ADARB1: variants seen among roughly 807,000 people sequenced by gnomAD.
The protein encoded by ADARB1 is adenosine deaminase RNA specific B1, also known as double-stranded RNA-specific editase 1.
ADARB1 carries 10 observed loss-of-function variants against 52.4 expected under a neutral mutation model. That is an observed-to-expected ratio of 0.19 (90% CI 0.12 to 0.32). ADARB1 has a LOEUF of 0.32. ADARB1 is among the 10% of genes least tolerant of loss of function. The probability of loss-of-function intolerance (pLI) is 1.00; values close to 1 mark genes in which losing one functional copy is unlikely to be tolerated. For missense variants in ADARB1, 643 were observed against 922.3 expected (o/e 0.70, Z 3.92); for synonymous variants, 349 against 371.1 (o/e 0.94, Z 0.68).
In ADARB1 at chr21:45,184,994, A is replaced by G; in HGVS notation, c.1468A>G (p.Thr490Ala). Reference sequence around the variant, plus strand: ...GACCAAAATAGAGTCTGGTGAGGGGACGATTCCAGTGCGCTCCAATGCGAG... The same window carrying G: ...GACCAAAATAGAGTCTGGTGAGGGGGCGATTCCAGTGCGCTCCAATGCGAG... Reference protein sequence around the residue: ...LRTKIESGEGTIPVRSNASIQ... With the variant: ...LRTKIESGEGAIPVRSNASIQ... Residue 490 changes from threonine to alanine, a missense_variant, in exon 8 of 11, where the codon ACG becomes GCG. Thr to Ala is a moderately conservative substitution (Grantham distance 58). Transcript: ENST00000348831. 3 of 1,614,186 alleles carry G rather than the reference A, an allele frequency of 1.9e-6. No individual in the cohort carries two copies. The highest frequency in any genetic ancestry group is 1.7e-6 in the Non-Finnish European group (2 of 1,180,024).
intron 1 of ADARB1, among the ~76,000 whole-genome samples, chr21:45,104,045 G>T (rs1247026872): frequency 6.6e-6 from 1 of 152,122 alleles, no homozygotes; most frequent in African/African-American, 2.4e-5. Context: ...ATCTCCAAGG[G>T]GTTCACTTTT....
intron 2 of ADARB1, among the ~76,000 whole-genome samples, chr21:45,155,399 ACT>A (rs2090504031): frequency 6.6e-6 from 1 of 152,008 alleles, no homozygotes. Context: ...GCCAGCCATG[ACT>A]CTCACCTTAC....
intron 2 of ADARB1, among the ~76,000 whole-genome samples, chr21:45,138,167 A>G (rs931268639): frequency 1.3e-5 from 2 of 152,218 alleles, no homozygotes; most frequent in African/African-American, 4.8e-5. Flanking sequence ...TAACCAAGAG[A>G]AAGGGCTGCA....
At chr21:45,203,262 A>T (rs1398528608) in intron 8 of ADARB1, among the ~76,000 whole-genome samples, 1 of 152,192 alleles carries the variant, frequency 6.6e-6, no homozygotes, top group African/African-American at 2.4e-5. Flanking sequence ...AGGCTGGGAC[A>T]TGCGTTCCTC....
chr21:45,182,711 C>G lies in ADARB1; in HGVS notation c.1205C>G (p.Ser402Cys), dbSNP rs2091971094. 1 of 1,609,450 alleles carries G rather than the reference C, an allele frequency of 6.2e-7. No individual in the cohort carries two copies. Among genetic ancestry groups the G allele is most frequent in the Admixed American group, 1.7e-5 (1 of 58,904 alleles). Residue 402 changes from serine to cysteine, a missense_variant, in exon 6 of 11, where the codon TCC becomes TGC. Transcript: ENST00000348831. Reference protein sequence around the residue: ...DCHAEIISRRSLLRFLYTQLE... With the variant: ...DCHAEIISRRCLLRFLYTQLE... ...CATGCAGAAATAATATCTCGGAGAT[C>G]CTTGCTCAGATTTCTTTATACACAA...
intron 1 of ADARB1, among the ~76,000 whole-genome samples, chr21:45,086,457 C>T (rs1188944490): frequency 6.6e-6 from 1 of 152,188 alleles, no homozygotes; most frequent in African/African-American, 2.4e-5. Context: ...CTCCTGTCAC[C>T]TCAAATGTTC....
chr21:45,186,202 C>G (rs1285926261), intron 8 of ADARB1, among the ~76,000 whole-genome samples: 2 of 152,160 alleles, frequency 1.3e-5, no homozygotes, highest in Non-Finnish European at 2.9e-5. Context: ...GCTGTAAATC[C>G]TATCTGATTC....
chr21:45,175,866 G>A lies in ADARB1; in HGVS notation c.165G>A (p.Leu55=). 6.2e-7 allele frequency: 1 copy of A among 1,613,724 alleles called. No individual in the cohort carries two copies. Among genetic ancestry groups the A allele is most frequent in the Non-Finnish European group, 8.5e-7 (1 of 1,179,836 alleles). Residue 55 remains leucine (L), a synonymous_variant, in exon 4 of 11, where the codon CTG becomes CTA. Transcript: ENST00000348831. ...GTGGCCCCGGCAGAAAGCGGCCCCT[G>A]GAGGAGGGCAGCAATGGCCACTCCA... The part of the protein sequence containing the change: ...GGGGPGRKRP[L]EEGSNGHSKY...
chr21:45,092,965 A>G (rs937015188), intron 1 of ADARB1, among the ~76,000 whole-genome samples: 3 of 152,090 alleles, frequency 2.0e-5, no homozygotes, highest in Middle Eastern at 3.4e-3. Context: ...TCCATTTTCT[A>G]AAGTCGAGGC....
intron 2 of ADARB1, among the ~76,000 whole-genome samples, chr21:45,129,616 C>T (rs188347217): frequency 6.6e-6 from 1 of 152,346 alleles, no homozygotes. Flanking sequence ...TCACTGGACA[C>T]AGCCGTGCTC....
At chr21:45,178,941 A>G (rs1343506158) in intron 4 of ADARB1, among the ~76,000 whole-genome samples, 1 of 152,202 alleles carries the variant, frequency 6.6e-6, no homozygotes, top group East Asian at 1.9e-4. Context: ...CTCACTCTGA[A>G]GTTAAAGTTC....
intron 1 of ADARB1, among the ~76,000 whole-genome samples, chr21:45,102,315 G>T (rs929016355): frequency 6.6e-6 from 1 of 152,224 alleles, no homozygotes; most frequent in African/African-American, 2.4e-5. Flanking sequence ...TACGCAGGCA[G>T]TTCAATGGGA....
intron 3 of ADARB1, chr21:45,171,895 C>T (rs1056919139): frequency 1.3e-5 from 7 of 556,038 alleles, no homozygotes; most frequent in East Asian, 3.2e-5. Context: ...TCGTTATCGT[C>T]GTGGGGCATC....
chr21:45,171,694 A>G lies in ADARB1; in HGVS notation c.28+10A>G. ...GATGAAGAAAACATGAGTAAGATCT[A>G]GGCCTATCACGTAGTATCAGATAGC... On this transcript the variant is annotated intron_variant, in intron 3 of 10. Transcript: ENST00000348831. 1.9e-6 allele frequency: 3 copies of G among 1,607,730 alleles called. No homozygotes were observed. Among genetic ancestry groups the G allele is most frequent in the South Asian group, 2.2e-5 (2 of 89,222 alleles).
intron 8 of ADARB1, among the ~76,000 whole-genome samples, chr21:45,191,897 T>A (rs1172265887): frequency 4.5e-3 from 216 of 47,688 alleles, no homozygotes; most frequent in African/African-American, 0.01. Context: ...TTTTTTTTTT[T>A]TTTTTTTTTT....
chr21:45,083,014 A>G (rs1241487645), intron 1 of ADARB1, among the ~76,000 whole-genome samples: 5 of 152,132 alleles, frequency 3.3e-5, no homozygotes, highest in African/African-American at 7.2e-5. Flanking sequence ...TTCATGCACC[A>G]TTGTGTGCTG....
chr21:45,176,430 G>C lies in ADARB1; in HGVS notation c.729G>C (p.Leu243=). 1 of 1,614,210 alleles carries C rather than the reference G, an allele frequency of 6.2e-7. No individual in the cohort carries two copies. Among genetic ancestry groups the C allele is most frequent in the Non-Finnish European group, 8.5e-7 (1 of 1,180,046 alleles). The change falls in exon 4 of 11, where the codon CTG becomes CTC. Residue 243 remains leucine (L), a synonymous_variant. Transcript: ENST00000348831. This position sits in a 1 kb window ranked among gnomAD's most constrained non-coding sequence, Gnocchi z 5.8. ...GKNPVMILNE[L]RPGLKYDFLS... ...ATCCCGTGATGATCTTGAACGAACT[G>C]CGCCCAGGACTCAAGTATGACTTCC...
At chr21:45,147,691 A>G (rs915836404) in intron 2 of ADARB1, among the ~76,000 whole-genome samples, 3 of 152,186 alleles carry the variant, frequency 2.0e-5, no homozygotes, top group African/African-American at 7.2e-5. Flanking sequence ...GGCTGGCCCC[A>G]GAGCTGTGGG....
intron 2 of ADARB1, among the ~76,000 whole-genome samples, chr21:45,135,973 G>A (rs193037823): frequency 2.6e-5 from 4 of 152,298 alleles, no homozygotes; most frequent in Admixed American, 6.5e-5. Flanking sequence ...TTTAGAGGCC[G>A]CCAGCAGCCA....
Sources: gnomAD v4.1 joint callset for allele counts (sites outside exome capture counted in the v4.1 genomes callset) on GRCh38, gnomAD v4.1.1 for gene constraint, Gnocchi (gnomAD v3.1) non-coding constraint, MANE v1.5 for transcripts, NCBI Gene and HGNC (gene_info 2026-07-23, HGNC 2026-07-21) for gene names.